ZMAT4: variants seen among roughly 807,000 people sequenced by gnomAD.
ZMAT4 encodes the protein zinc finger matrin-type protein 4.
A neutral mutation model predicts 28.7 loss-of-function variants in ZMAT4; 17 were observed. That is an observed-to-expected ratio of 0.59 (90% CI 0.41 to 0.89). ZMAT4 has a LOEUF of 0.89. Among genes scored for constraint, ZMAT4 ranks in the 40% least tolerant of loss-of-function variants. The pLI is 0.00. For synonymous variants in ZMAT4, 117 were observed against 109.2 expected (o/e 1.07, Z -0.44); for missense variants, 240 against 283.8 (o/e 0.85, Z 1.11).
chr8:40,774,781 G>T (rs1300352110), intron 2 of ZMAT4, among the ~76,000 whole-genome samples: 2 of 151,910 alleles, frequency 1.3e-5, no homozygotes, highest in Non-Finnish European at 2.9e-5. Flanking sequence ...ACAAGGCAAA[G>T]ATCTAGGAAG....
chr8:40,840,191 G>A (rs1204739620), intron 1 of ZMAT4, among the ~76,000 whole-genome samples: 2 of 152,190 alleles, frequency 1.3e-5, no homozygotes, highest in Non-Finnish European at 2.9e-5. Context: ...TGTCCCTTCA[G>A]GAACGGCTTG....
intron 5 of ZMAT4, among the ~76,000 whole-genome samples, chr8:40,595,144 C>G (rs745572829): frequency 1.5e-4 from 23 of 152,124 alleles, no homozygotes; most frequent in Admixed American, 7.9e-4. Flanking sequence ...ACTCCAGGAT[C>G]CATCTGAAGC....
intron 2 of ZMAT4, among the ~76,000 whole-genome samples, chr8:40,820,482 GTA>G (rs1344786237): frequency 6.6e-6 from 1 of 150,988 alleles, no homozygotes; most frequent in African/African-American, 2.4e-5. Flanking sequence ...GTGTTTATGT[GTA>G]TGTGTGTATA....
intron 6 of ZMAT4, among the ~76,000 whole-genome samples, chr8:40,572,050 A>G (rs1040749316): frequency 1.4e-4 from 21 of 152,198 alleles, no homozygotes; most frequent in Non-Finnish European, 1.8e-4. Context: ...GTTTTCAAAG[A>G]GAACATCTTC....
intron 1 of ZMAT4, among the ~76,000 whole-genome samples, chr8:40,886,102 G>A (rs573595133): frequency 9.2e-5 from 14 of 152,212 alleles, no homozygotes; most frequent in Non-Finnish European, 1.6e-4. Flanking sequence ...TCCTATTAAG[G>A]AAACTGAAGG....
chr8:40,629,049 G>A (rs563415930), intron 5 of ZMAT4, among the ~76,000 whole-genome samples: 8 of 141,574 alleles, frequency 5.7e-5, no homozygotes, highest in South Asian at 2.3e-4. Context: ...TCATCCCTTC[G>A]CCCTCTTTAT....
At position 40,790,267 on chromosome 8, in the gene ZMAT4, T is replaced by C. The variant is rs111991330; in HGVS notation, c.103-22537A>G. On this transcript the variant is annotated intron_variant, in intron 2 of 6. Coordinates refer to ENST00000297737, the MANE Select transcript of ZMAT4 (RefSeq NM_024645.3). ...GATTGTAGCAGTAGAAAATACAGAA[T>C]CTATTTTAAAAGCTTCTAGATCTAA... 9.3e-3 allele frequency among the ~76,000 whole-genome samples: 1,413 copies of C among 152,322 alleles called. 22 individuals carry two copies. Among genetic ancestry groups the C allele is most frequent in the African/African-American group, 0.033 (1,364 of 41,564 alleles).
intron 5 of ZMAT4, among the ~76,000 whole-genome samples, chr8:40,597,714 G>A (rs1805151260): frequency 6.6e-6 from 1 of 152,172 alleles, no homozygotes; most frequent in South Asian, 2.1e-4. Flanking sequence ...GTTCAGAGGA[G>A]TGCTTGATAC....
At chr8:40,609,403 C>G (rs1479056533) in intron 5 of ZMAT4, among the ~76,000 whole-genome samples, 2 of 152,126 alleles carry the variant, frequency 1.3e-5, no homozygotes, top group African/African-American at 4.8e-5. Context: ...CTGCAGACTT[C>G]AAAAGCAGGC....
In ZMAT4 at chr8:40,688,196, G is replaced by T. The variant is rs187762463; in HGVS notation, c.349+9049C>A. The stretch of plus-strand genomic sequence containing the variant: ...AATAGGCCGGGGGGCGGTGGCTCAT[G>T]CCTGTAATCCCAGCACTTTGAGAGG... On this transcript the variant is annotated intron_variant, in intron 4 of 6. Transcript: ENST00000297737. 4.6e-5 allele frequency among the ~76,000 whole-genome samples: 7 copies of T among 152,254 alleles called. No homozygotes were observed. In the East Asian group the frequency reaches 1.4e-3, roughly 30 times the overall value.
At chr8:40,874,390 T>G (rs1817967600) in intron 1 of ZMAT4, among the ~76,000 whole-genome samples, 1 of 152,242 alleles carries the variant, frequency 6.6e-6, no homozygotes, top group Admixed American at 6.5e-5. Context: ...TAGTGGGTTC[T>G]GAAGAAAGTG....
intron 3 of ZMAT4, among the ~76,000 whole-genome samples, chr8:40,764,512 G>A (rs1195745960): frequency 1.3e-5 from 2 of 151,910 alleles, no homozygotes; most frequent in African/African-American, 4.8e-5. Context: ...TTCATACATG[G>A]TCAGGGTGTG....
intron 2 of ZMAT4, among the ~76,000 whole-genome samples, chr8:40,769,072 C>T (rs1813280682): frequency 6.6e-6 from 1 of 152,164 alleles, no homozygotes; most frequent in South Asian, 2.1e-4. Context: ...AACAAAAGAC[C>T]AAGCTTCTAG....
intron 5 of ZMAT4, among the ~76,000 whole-genome samples, chr8:40,615,607 T>G (rs1805972804): frequency 6.6e-6 from 1 of 152,234 alleles, no homozygotes; most frequent in Non-Finnish European, 1.5e-5. Context: ...CCATATTTCC[T>G]GGAGGCTTTC....
chr8:40,630,670 G>A (rs755487765), intron 5 of ZMAT4, among the ~76,000 whole-genome samples: 25 of 152,108 alleles, frequency 1.6e-4, no homozygotes, highest in Non-Finnish European at 2.6e-4. Flanking sequence ...CAACAGCATC[G>A]CTAAAACCCC....
At chr8:40,687,736 C>T (rs1056376970) in intron 4 of ZMAT4, among the ~76,000 whole-genome samples, 1 of 152,172 alleles carries the variant, frequency 6.6e-6, no homozygotes, top group Non-Finnish European at 1.5e-5. Context: ...CCCTCACCTT[C>T]TCATCAGCAT....
chr8:40,727,996 T>C (rs979095792), intron 3 of ZMAT4, among the ~76,000 whole-genome samples: 2 of 152,172 alleles, frequency 1.3e-5, no homozygotes, highest in Non-Finnish European at 2.9e-5. Context: ...TAGGTAGTTA[T>C]GGGATTAGTG....
chr8:40,671,302 C>G (rs966753976), intron 5 of ZMAT4, among the ~76,000 whole-genome samples: 3 of 151,990 alleles, frequency 2.0e-5, no homozygotes, highest in African/African-American at 7.2e-5. Context: ...AACTTATGAC[C>G]CAGCAATCCT....
chr8:40,716,247 T>C (rs1283272232), intron 3 of ZMAT4, among the ~76,000 whole-genome samples: 2 of 95,890 alleles, frequency 2.1e-5, no homozygotes. Context: ...TTGCTGGACA[T>C]GCAAATGCCC....
Sources: gnomAD v4.1 joint callset for allele counts (sites outside exome capture counted in the v4.1 genomes callset) on GRCh38, gnomAD v4.1.1 for gene constraint, MANE v1.5 for transcripts, NCBI Gene and HGNC (gene_info 2026-07-23, HGNC 2026-07-21) for gene names.